TTC34: variants seen among roughly 807,000 people sequenced by gnomAD.
TTC34 encodes the protein tetratricopeptide repeat domain 34.
In TTC34, 44 loss-of-function variants were observed where a neutral mutation model predicts 40.7. That is an observed-to-expected ratio of 1.08 (90% CI 0.85 to 1.39). TTC34 has a LOEUF of 1.39. Ranked by LOEUF, TTC34 falls within the 40% of genes most tolerant of loss-of-function variation. The probability of loss-of-function intolerance (pLI) is 0.00; values close to 1 mark genes in which losing one functional copy is unlikely to be tolerated. For missense variants in TTC34, 884 were observed against 838.0 expected (o/e 1.05, Z -0.68); for synonymous variants, 422 against 398.6 (o/e 1.06, Z -0.70).
rs139502087 is a variant in TTC34, at chr1:2,768,226, C to A, written c.2226+15383G>T. The stretch of plus-strand genomic sequence containing the variant: ...GCCCACCCCTGGGTGAGGATGCTCA[C>A]CTGAGGTTGGGAGTGCCATTCCAGG... On this transcript the variant is annotated intron_variant, in intron 6 of 8. Transcript: ENST00000401095. Among the ~76,000 whole-genome samples the A allele has an allele frequency of 3.3e-5, 5 of 151,638 alleles. No homozygotes were observed. The East Asian group carries it at 5.9e-4, about 18-fold the overall frequency.
chr1:2,685,446 C>T (rs1278056828), intron 6 of TTC34, among the ~76,000 whole-genome samples: 8 of 120,318 alleles, frequency 6.6e-5, no homozygotes, highest in East Asian at 2.6e-4. Flanking sequence ...CACTGCAGGG[C>T]GAGCATCTGA....
At chr1:2,764,240 C>T (rs1410724106) in intron 6 of TTC34, among the ~76,000 whole-genome samples, 1 of 149,780 alleles carries the variant, frequency 6.7e-6, no homozygotes, top group African/African-American at 2.5e-5. Context: ...GAGCATCTGA[C>T]AGCCTGGAGC....
At chr1:2,783,519 C>T (rs541011293) in intron 6 of TTC34, 90 bp downstream of exon 6, 44 of 1,262,510 alleles carry the variant, frequency 3.5e-5, no homozygotes, top group East Asian at 3.3e-4. Flanking sequence ...ATGGCCTACC[C>T]GGCTCCCTCT....
chr1:2,751,702 C>A (rs1391134466), intron 6 of TTC34, among the ~76,000 whole-genome samples: 2 of 62,862 alleles, frequency 3.2e-5, no homozygotes, highest in Non-Finnish European at 4.5e-5. Flanking sequence ...AAGCGAGCAT[C>A]CGACAGCCTG....
intron 2 of TTC34, among the ~76,000 whole-genome samples, chr1:2,799,371 C>T (rs981514050): frequency 6.6e-6 from 1 of 152,134 alleles, no homozygotes; most frequent in Non-Finnish European, 1.5e-5. Context: ...GATGAAACTC[C>T]ATCTCTACTA....
At chr1:2,682,062 C>G (rs1261965600) in intron 6 of TTC34, among the ~76,000 whole-genome samples, 1 of 119,874 alleles carries the variant, frequency 8.3e-6, no homozygotes, top group Non-Finnish European at 1.8e-5. Flanking sequence ...AGCAGCACCC[C>G]ACACCCACAG....
intron 6 of TTC34, among the ~76,000 whole-genome samples, chr1:2,762,130 A>C (rs1309472688): frequency 0.013 from 156 of 12,094 alleles, 1 homozygote; most frequent in African/African-American, 0.017. Flanking sequence ...AGCACACACA[A>C]CCCCAGGCGA....
At chr1:2,780,039 C>T (rs144142039) in intron 6 of TTC34, among the ~76,000 whole-genome samples, 7,935 of 152,164 alleles carry the variant, frequency 0.052, 301 homozygotes, top group Non-Finnish European at 0.083. Flanking sequence ...GCTTGAACCC[C>T]GGAAGCGGAA....
At chr1:2,798,544 C>T (rs544213713) in intron 2 of TTC34, among the ~76,000 whole-genome samples, 3 of 107,418 alleles carry the variant, frequency 2.8e-5, no homozygotes, top group African/African-American at 7.4e-5. Flanking sequence ...CCTCTTAGCC[C>T]CTCAGCTCCC....
intron 1 of TTC34, 64 bp from the exon 2 acceptor site, chr1:2,800,932 C>T (rs1262916749): frequency 3.0e-5 from 12 of 397,930 alleles, no homozygotes; most frequent in African/African-American, 4.1e-5. Context: ...TGTGGCCACC[C>T]GTGCCCAGCC....
Position 2,796,922 on chromosome 1 carries a change from C to A in TTC34, c.784+3122G>T, listed in dbSNP as rs532568264. Among the ~76,000 whole-genome samples, 1 of 152,188 alleles carries A rather than the reference C, an allele frequency of 6.6e-6. No homozygotes were observed. Among genetic ancestry groups the A allele is most frequent in the Non-Finnish European group, 1.5e-5 (1 of 68,042 alleles). On this transcript the variant is annotated intron_variant, in intron 2 of 8. Coordinates refer to ENST00000401095, the Ensembl canonical transcript of TTC34. The surrounding 1 kb of genome is among the most constrained non-coding windows in gnomAD (Gnocchi z 4.5). The stretch of plus-strand genomic sequence containing the variant: ...AAGAACCTCGGCACCACACGCCCAA[C>A]GCACACTCCTTGTCCTCTCCTTACG...
chr1:2,693,359 T>C (rs893359794), intron 6 of TTC34, among the ~76,000 whole-genome samples: 1 of 82,078 alleles, frequency 1.2e-5, no homozygotes, highest in Non-Finnish European at 2.7e-5. Context: ...CAGGTGAGCA[T>C]GTGACAGCCG....
intron 6 of TTC34, among the ~76,000 whole-genome samples, chr1:2,685,592 C>A (rs1484631079): frequency 8.2e-6 from 1 of 122,328 alleles, no homozygotes; most frequent in Non-Finnish European, 1.6e-5. Flanking sequence ...CAGAGCAGCA[C>A]CCACACCCCC....
At chr1:2,695,694 C>T (rs1640830182) in intron 6 of TTC34, among the ~76,000 whole-genome samples, 2 of 151,390 alleles carry the variant, frequency 1.3e-5, no homozygotes, top group Non-Finnish European at 3.0e-5. Flanking sequence ...GAGCATCTGA[C>T]AGCCTGGAAC....
chr1:2,783,914 A>AAGAC (rs1315943785), intron 5 of TTC34, 139 bp from the exon 6 acceptor site: 4 of 786,642 alleles, frequency 5.1e-6, no homozygotes, highest in Non-Finnish European at 7.4e-6. Flanking sequence ...ACTGGGCACC[A>AAGAC]AGACAGACAG....
intron 6 of TTC34, among the ~76,000 whole-genome samples, chr1:2,748,822 C>T (rs1368385361): frequency 2.7e-3 from 366 of 134,818 alleles, no homozygotes; most frequent in Non-Finnish European, 4.2e-3. Context: ...CATCTGACAG[C>T]CTCGGTCGGC....
chr1:2,791,890 CT>C (rs1196282400), intron 2 of TTC34, among the ~76,000 whole-genome samples: 2 of 151,482 alleles, frequency 1.3e-5, no homozygotes, highest in Admixed American at 6.6e-5. Flanking sequence ...GTTCATTTTT[CT>C]TCTGTTCTTC....
At position 2,644,294 on chromosome 1, in the gene TTC34, C is replaced by T. The variant is rs72849544; in HGVS notation, c.2682G>A (p.Leu894=). ...CAAGGCTCTGCCGCTCCGAGGCCTC[C>T]AGGAGATGCAGCAGGCAGCTGAGAT... The change falls in exon 8 of 9, where the codon CTG becomes CTA. Residue 894 remains leucine (L), a synonymous_variant. Coordinates refer to ENST00000401095, the Ensembl canonical transcript of TTC34. 5 of 1,535,252 alleles carry T rather than the reference C, an allele frequency of 3.3e-6. No individual in the cohort carries two copies. In the Admixed American group the frequency reaches 5.9e-5, roughly 18 times the overall value.
intron 6 of TTC34, among the ~76,000 whole-genome samples, chr1:2,778,882 A>T (rs1643419692): frequency 6.6e-6 from 1 of 152,036 alleles, no homozygotes; most frequent in South Asian, 2.1e-4. Flanking sequence ...CCCAAACTGA[A>T]ACTCTGTCCC....
Sources: allele counts gnomAD v4.1 joint callset (sites outside exome capture counted in the v4.1 genomes callset), GRCh38; gene constraint gnomAD v4.1.1; non-coding constraint Gnocchi (gnomAD v3.1); transcripts MANE v1.5; gene names NCBI Gene and HGNC (gene_info 2026-07-23, HGNC 2026-07-21).